The following ZIM2 variants were observed in gnomAD, a reference collection of about 807,000 sequenced individuals.
The protein encoded by ZIM2 is zinc finger protein 656.
Under a neutral mutation model 38.6 loss-of-function variants are expected in ZIM2, and 14 were observed. The observed-to-expected ratio is 0.36, with a 90% CI of 0.24 to 0.57. ZIM2 has a LOEUF of 0.57. Among genes scored for constraint, ZIM2 ranks in the 20% least tolerant of loss-of-function variants. The probability of loss-of-function intolerance (pLI) is 0.81; values close to 1 mark genes in which losing one functional copy is unlikely to be tolerated. For missense variants in ZIM2, 680 were observed against 695.1 expected (o/e 0.98, Z 0.24); for synonymous variants, 247 against 245.8 (o/e 1.00, Z -0.04).
intron 9 of ZIM2, among the ~76,000 whole-genome samples, chr19:56,800,804 GTC>G (rs145602265): frequency 0.044 from 6,626 of 152,174 alleles, 462 homozygotes; most frequent in African/African-American, 0.15. Flanking sequence ...TCATGATCAA[GTC>G]TGTGGAAGAA....
intron 7 of ZIM2, among the ~76,000 whole-genome samples, chr19:56,821,186 C>T (rs1001118468): frequency 1.3e-5 from 2 of 152,218 alleles, no homozygotes; most frequent in Non-Finnish European, 2.9e-5. Flanking sequence ...GATGAGGAAA[C>T]TTAAATTCAG....
At chr19:56,794,362 G>A (rs2047086010) in intron 9 of ZIM2, among the ~76,000 whole-genome samples, 1 of 152,144 alleles carries the variant, frequency 6.6e-6, no homozygotes. Flanking sequence ...CTCACTCTAA[G>A]AAACCATGAA....
intron 3 of ZIM2, 22 bp from the exon 4 acceptor site, chr19:56,824,449 G>T: frequency 6.2e-7 from 1 of 1,614,126 alleles, no homozygotes; most frequent in Non-Finnish European, 8.5e-7. Flanking sequence ...CGAGGCAGAG[G>T]TTTCGGAGTT....
intron 9 of ZIM2, among the ~76,000 whole-genome samples, chr19:56,797,194 T>C (rs2047275391): frequency 6.6e-6 from 1 of 152,130 alleles, no homozygotes; most frequent in South Asian, 2.1e-4. Flanking sequence ...TGCACACTTG[T>C]AGTCCTAGCT....
intron 2 of ZIM2, chr19:56,833,097 C>T (rs2061730141): frequency 2.0e-6 from 1 of 501,896 alleles, no homozygotes; most frequent in African/African-American, 1.9e-5. Context: ...TGAAAGAACA[C>T]ATCATGCACT....
rs542936343 is a variant in ZIM2 at position 56,820,876 on chromosome 19, G to A, written c.294+775C>T. 3.3e-5 allele frequency among the ~76,000 whole-genome samples: 5 copies of A among 152,298 alleles called. No homozygotes were observed. In the South Asian group the frequency reaches 6.2e-4, roughly 19 times the overall value. ...TCTGACATGGGATGGGTACTGATAT[G>A]TGAAGGAAAGGAAGGCTCAGCCCAA... On this transcript the variant is annotated intron_variant, in intron 7 of 12. Transcript: ENST00000629319.
At chr19:56,810,117 T>C in intron 9 of ZIM2, 1 of 954,046 alleles carries the variant, frequency 1.0e-6, no homozygotes, top group Non-Finnish European at 1.2e-6. Flanking sequence ...TTGACACTAT[T>C]ACAGATAGAA....
intron 2 of ZIM2, chr19:56,833,197 C>T (rs750834905): frequency 5.8e-6 from 3 of 515,266 alleles, no homozygotes. Flanking sequence ...AGGAGAAAAT[C>T]CACCGAGTCT....
At chr19:56,817,592 C>A (rs779489191) in intron 9 of ZIM2, 154 bp downstream of exon 9, 5 of 1,575,134 alleles carry the variant, frequency 3.2e-6, no homozygotes, top group Non-Finnish European at 3.5e-6. Context: ...GGAAAGAAAC[C>A]CCAAATGTAA....
rs534311550 is a variant in ZIM2 at position 56,824,776 on chromosome 19, A to C, written c.-150-349T>G. 5.2e-6 allele frequency: 5 copies of C among 970,240 alleles called. No individual in the cohort carries two copies. In the South Asian group the frequency reaches 8.6e-5, roughly 17 times the overall value. The allele number at this position is 970,240 out of a possible 1,614,324, so 60.1% of individuals were successfully genotyped here. The stretch of plus-strand genomic sequence containing the variant: ...GTAAGGAGATATACACATGTCCCAG[A>C]AGTTGAAGACCAGGCAGCAGTGGAG... On this transcript the variant is annotated intron_variant, in intron 3 of 12. Transcript: ENST00000629319.
At position 56,814,380 on chromosome 19, in the gene ZIM2, A is replaced by G; in HGVS notation, c.490+3366T>C. ...CTTCATCTTCTTCTTCTTCTTCCAG[A>G]TGAAGCTCCTTATGTTTAGTGAGGA... On this transcript the variant is annotated intron_variant, in intron 9 of 12. Transcript: ENST00000629319. The surrounding 1 kb of genome is among the most constrained non-coding windows in gnomAD (Gnocchi z 5.8). The G allele has an allele frequency of 6.2e-7, 1 of 1,612,648 alleles. No individual in the cohort carries two copies.
intron 3 of ZIM2, 26 bp from the exon 4 acceptor site, chr19:56,824,453 C>T (rs267605719): frequency 1.2e-5 from 19 of 1,613,962 alleles, no homozygotes; most frequent in Admixed American, 6.7e-5. Context: ...GCAGAGGTTT[C>T]GGAGTTTGAT....
chr19:56,774,800 T>G lies in ZIM2; in HGVS notation c.1565A>C (p.Glu522Ala). ...ACATAGCTGACACTGGTAAGGCCTCTCTTGAGTGTGAGTTCTATAATGCTG... is the reference window on the plus strand; with the variant it reads ...ACATAGCTGACACTGGTAAGGCCTCGCTTGAGTGTGAGTTCTATAATGCTG... ...LIQHYRTHTQERPYQCQLCGK... is the reference protein window; with the variant it reads ...LIQHYRTHTQARPYQCQLCGK... Residue 522 changes from glutamate to alanine, a missense_variant, in exon 13 of 13, where the codon GAG becomes GCG. Physicochemically the swap from Glu to Ala is moderately radical, Grantham distance 107 (BLOSUM62 -1). Coordinates refer to ENST00000629319, the MANE Select transcript of ZIM2 (RefSeq NM_001387356.1). 1 of 1,614,188 alleles carries G rather than the reference T, an allele frequency of 6.2e-7. No homozygotes were observed.
chr19:56,794,972 C>T (rs1170007312), intron 9 of ZIM2, among the ~76,000 whole-genome samples: 3 of 152,208 alleles, frequency 2.0e-5, no homozygotes, highest in Non-Finnish European at 4.4e-5. Context: ...ACGGCTTTCT[C>T]TTTGTTTCAG....
chr19:56,840,188 T>C (rs1397586828), intron 1 of ZIM2, among the ~76,000 whole-genome samples: 1 of 152,198 alleles, frequency 6.6e-6, no homozygotes, highest in Non-Finnish European at 1.5e-5. Flanking sequence ...GTGTCGACCT[T>C]GCTGGACTTG....
intron 10 of ZIM2, among the ~76,000 whole-genome samples, chr19:56,787,710 G>GTTTT (rs56289231): frequency 2.8e-5 from 3 of 105,856 alleles, no homozygotes; most frequent in Non-Finnish European, 5.9e-5. Context: ...CTGGTCCTGG[G>GTTTT]TTTTTTTTTT....
At chr19:56,780,974 TAAAG>T (rs1156600685) in intron 11 of ZIM2, among the ~76,000 whole-genome samples, 1 of 152,198 alleles carries the variant, frequency 6.6e-6, no homozygotes, top group Non-Finnish European at 1.5e-5. Flanking sequence ...CCTTCAGTGT[TAAAG>T]AAGCCAAGGG....
intron 11 of ZIM2, among the ~76,000 whole-genome samples, chr19:56,781,635 G>C (rs900278234): frequency 6.6e-6 from 1 of 152,054 alleles, no homozygotes; most frequent in African/African-American, 2.4e-5. Flanking sequence ...AATGACTCAG[G>C]TTCCTCAAAG....
intron 5 of ZIM2, 38 bp downstream of exon 5, chr19:56,823,552 C>T (rs773335426): frequency 2.0e-5 from 33 of 1,612,416 alleles, no homozygotes; most frequent in Middle Eastern, 1.7e-4. Context: ...CATCTGGCAG[C>T]GCCTGCCCAT....
Sources: gnomAD v4.1 joint callset for allele counts (sites outside exome capture counted in the v4.1 genomes callset) on GRCh38, gnomAD v4.1.1 for gene constraint, Gnocchi (gnomAD v3.1) non-coding constraint, MANE v1.5 for transcripts, NCBI Gene and HGNC (gene_info 2026-07-23, HGNC 2026-07-21) for gene names.